The following GMDS variants were observed in gnomAD, a reference collection of about 807,000 sequenced individuals.
GMDS encodes GDP-mannose 4,6-dehydratase.
GMDS carries 20 observed loss-of-function variants against 49.9 expected under a neutral mutation model. The observed-to-expected ratio is 0.40, with a 90% CI of 0.28 to 0.58. The LOEUF (loss-of-function observed/expected upper bound fraction) is 0.58. GMDS is among the 20% of genes least tolerant of loss of function. GMDS has a pLI of 0.42. For synonymous variants in GMDS, 177 were observed against 178.6 expected, an observed-to-expected ratio of 0.99 and a Z score of 0.07; for missense variants, 362 against 481.4, an observed-to-expected ratio of 0.75 and a Z score of 2.32.
At chr6:2,044,754 G>A (rs1294586030) in intron 4 of GMDS, among the ~76,000 whole-genome samples, 2 of 152,174 alleles carry the variant, frequency 1.3e-5, no homozygotes. Flanking sequence ...TAGTTTCAAA[G>A]TGAATACAGG....
chr6:2,173,266 T>C (rs891651792), intron 1 of GMDS, among the ~76,000 whole-genome samples: 5 of 152,218 alleles, frequency 3.3e-5, no homozygotes, highest in African/African-American at 1.2e-4. Context: ...TGATACCTAG[T>C]TTATCCAAAA....
chr6:1,811,280 G>A (rs1489688432), intron 7 of GMDS, among the ~76,000 whole-genome samples: 1 of 152,132 alleles, frequency 6.6e-6, no homozygotes, highest in Non-Finnish European at 1.5e-5. Context: ...ACATACTCTT[G>A]CGATCTTTTC....
intron 9 of GMDS, among the ~76,000 whole-genome samples, chr6:1,632,895 C>T (rs981281919): frequency 5.3e-5 from 8 of 152,138 alleles, no homozygotes; most frequent in Admixed American, 1.3e-4. Context: ...AAGAAAAATT[C>T]GTGGACACAA....
rs530155029 is a variant in GMDS, at chr6:2,140,709, G to C, written c.103-15978C>G. 3.3e-4 allele frequency among the ~76,000 whole-genome samples: 50 copies of C among 152,310 alleles called. No homozygotes were observed. In the East Asian group the frequency reaches 3.7e-3, roughly 11 times the overall value. Reference sequence around the variant, plus strand: ...TCCTAACCCAAGTCACATTCTGGAAGGCAATTTAATCAAGTAAGTCTGAAC... The same window carrying C: ...TCCTAACCCAAGTCACATTCTGGAACGCAATTTAATCAAGTAAGTCTGAAC... On this transcript the variant is annotated intron_variant, in intron 1 of 10. Coordinates refer to ENST00000380815, the MANE Select transcript of GMDS (RefSeq NM_001500.4).
At chr6:1,677,347 G>A (rs1036617159) in intron 9 of GMDS, among the ~76,000 whole-genome samples, 4 of 152,294 alleles carry the variant, frequency 2.6e-5, no homozygotes, top group African/African-American at 9.6e-5. Flanking sequence ...CACTGTTGGT[G>A]GGACTGTAAA....
intron 4 of GMDS, among the ~76,000 whole-genome samples, chr6:2,044,443 T>TA (rs1769875178): frequency 6.6e-6 from 1 of 152,174 alleles, no homozygotes; most frequent in African/African-American, 2.4e-5. Flanking sequence ...CCATTATCCT[T>TA]AGCAAACTAC....
intron 7 of GMDS, among the ~76,000 whole-genome samples, chr6:1,816,136 T>C (rs1273943811): frequency 2.0e-5 from 3 of 152,164 alleles, no homozygotes; most frequent in Non-Finnish European, 2.9e-5. Flanking sequence ...GGTGGTGGGA[T>C]AGGGTAGGCG....
intron 7 of GMDS, among the ~76,000 whole-genome samples, chr6:1,826,045 C>T (rs1771097839): frequency 6.6e-6 from 1 of 152,062 alleles, no homozygotes. Flanking sequence ...AAATGGTACA[C>T]ATGTACAGGC....
At chr6:2,068,520 T>C (rs1021638272) in intron 4 of GMDS, among the ~76,000 whole-genome samples, 12 of 152,272 alleles carry the variant, frequency 7.9e-5, no homozygotes, top group East Asian at 1.9e-4. Context: ...GAAAACCCCA[T>C]TGTCTCAGCC....
intron 9 of GMDS, among the ~76,000 whole-genome samples, chr6:1,627,568 T>G (rs1194717118): frequency 2.6e-5 from 4 of 152,196 alleles, no homozygotes; most frequent in Admixed American, 2.6e-4. Flanking sequence ...TCCCCTCCAA[T>G]AGGGTATAAT....
At chr6:1,704,246 C>T (rs1325149225) in intron 9 of GMDS, among the ~76,000 whole-genome samples, 1 of 151,456 alleles carries the variant, frequency 6.6e-6, no homozygotes, top group African/African-American at 2.4e-5. Flanking sequence ...GAAAGAGGAC[C>T]GCAGGGGTGG....
chr6:1,858,015 A>G (rs1330818575), intron 7 of GMDS, among the ~76,000 whole-genome samples: 1 of 152,198 alleles, frequency 6.6e-6, no homozygotes, highest in Non-Finnish European at 1.5e-5. Flanking sequence ...TATGAAGATC[A>G]ATGTCACCCT....
At chr6:2,167,953 C>T (rs971100799) in intron 1 of GMDS, among the ~76,000 whole-genome samples, 19 of 152,214 alleles carry the variant, frequency 1.2e-4, no homozygotes, top group African/African-American at 4.3e-4. Flanking sequence ...GAACAAATGG[C>T]TGGATGACTA....
At chr6:1,834,208 C>A (rs563203648) in intron 7 of GMDS, among the ~76,000 whole-genome samples, 15 of 152,004 alleles carry the variant, frequency 9.9e-5, no homozygotes, top group Non-Finnish European at 2.2e-4. Flanking sequence ...TATAAGGATT[C>A]ATTAAATGTC....
At chr6:2,187,022 C>G (rs930142745) in intron 1 of GMDS, among the ~76,000 whole-genome samples, 24 of 152,154 alleles carry the variant, frequency 1.6e-4, no homozygotes, top group African/African-American at 5.6e-4. Context: ...ATGATTCTTG[C>G]TCTTTAGTCA....
chr6:1,655,577 C>G (rs529303910), intron 9 of GMDS, among the ~76,000 whole-genome samples: 17 of 151,266 alleles, frequency 1.1e-4, no homozygotes, highest in Admixed American at 9.9e-4. Flanking sequence ...TGCAGTGGCT[C>G]TCTGCAGCCT....
rs1038529330 is a variant in GMDS at position 1,780,020 on chromosome 6, C to T, written c.772-37434G>A. On this transcript the variant is annotated intron_variant, in intron 7 of 10. Coordinates refer to ENST00000380815, the MANE Select transcript of GMDS (RefSeq NM_001500.4). ...TAGTCTTTTGAGGACACATCCCACC[C>T]AACAGCTCTCTCAGGCCAGGAGCCA... 8.5e-5 allele frequency among the ~76,000 whole-genome samples: 13 copies of T among 152,348 alleles called. No homozygotes were observed. In the South Asian group the frequency reaches 1.5e-3, roughly 17 times the overall value.
chr6:1,801,026 C>T (rs1452408471), intron 7 of GMDS, among the ~76,000 whole-genome samples: 2 of 152,142 alleles, frequency 1.3e-5, no homozygotes, highest in Non-Finnish European at 2.9e-5. Flanking sequence ...AGGCAGCTGC[C>T]ACTTCATCCC....
intron 4 of GMDS, among the ~76,000 whole-genome samples, chr6:2,006,503 G>A (rs370048356): frequency 2.2e-4 from 33 of 152,216 alleles, no homozygotes; most frequent in East Asian, 3.9e-4. Context: ...AGGAAAAAGC[G>A]CTGGGTTCTA....
Sources: allele counts gnomAD v4.1 joint callset (sites outside exome capture counted in the v4.1 genomes callset), GRCh38; gene constraint gnomAD v4.1.1; transcripts MANE v1.5; gene names NCBI Gene and HGNC (gene_info 2026-07-23, HGNC 2026-07-21).